KAZN: variants seen among roughly 807,000 people sequenced by gnomAD.
KAZN encodes the protein kazrin, periplakin interacting protein.
A neutral mutation model predicts 87.4 loss-of-function variants in KAZN; 40 were observed. The ratio of observed to expected loss-of-function variants is 0.46; its 90% CI spans 0.36 to 0.60. KAZN has a LOEUF of 0.60. Ranked by LOEUF, KAZN falls within the 20% of genes least tolerant of loss-of-function variation. The pLI is 0.00. For missense variants in KAZN, 898 were observed against 1,073.9 expected (o/e 0.84, Z 2.29); for synonymous variants, 466 against 458.3 (o/e 1.02, Z -0.22).
At chr1:13,959,849 G>C (rs1471623190) in intron 1 of KAZN, among the ~76,000 whole-genome samples, 2 of 152,118 alleles carry the variant, frequency 1.3e-5, no homozygotes, top group Non-Finnish European at 2.9e-5. Context: ...TAGATTTGCT[G>C]CCCAACACCC....
rs189836547 is a variant in KAZN at position 14,190,321 on chromosome 1, T to G, written c.249+9729T>G. ...AGACGCCAAACACTCTGCTAAGGAT[T>G]TTACCTCCATTATCTCATTTAATAC... On this transcript the variant is annotated intron_variant, in intron 2 of 16. Transcript: ENST00000636203. 2.0e-5 allele frequency among the ~76,000 whole-genome samples: 3 copies of G among 152,218 alleles called. No individual in the cohort carries two copies. In the East Asian group the frequency reaches 5.8e-4, roughly 29 times the overall value.
At chr1:14,975,892 C>G (rs1056968379) in intron 2 of KAZN, among the ~76,000 whole-genome samples, 1 of 152,048 alleles carries the variant, frequency 6.6e-6, no homozygotes, top group African/African-American at 2.4e-5. Context: ...ATTAACTGGG[C>G]GTAGTGGCGG....
rs142527024 is a variant in KAZN at position 14,085,627 on chromosome 1, T to G, written c.92-94808T>G. Among the ~76,000 whole-genome samples, 989 of 152,352 alleles carry G rather than the reference T, an allele frequency of 6.5e-3. 10 individuals carry two copies. In the South Asian group the frequency reaches 0.066, roughly 10 times the overall value. On this transcript the variant is annotated intron_variant, in intron 1 of 16. Transcript: ENST00000636203. ...CTCATTCCTTTCCATGGCTGTGTAA[T>G]ATTTCATTTTATGGGTATGCCACGA...
chr1:14,164,046 C>G (rs9287296), intron 1 of KAZN, among the ~76,000 whole-genome samples: 64,513 of 152,042 alleles, frequency 0.42, 14,064 homozygotes, highest in African/African-American at 0.52. Context: ...AAAAGCCACC[C>G]AAATTTTTAG....
chr1:14,225,730 A>G (rs571147863), intron 2 of KAZN, among the ~76,000 whole-genome samples: 62 of 152,258 alleles, frequency 4.1e-4, no homozygotes, highest in Non-Finnish European at 8.4e-4. Context: ...CTAATCCTTG[A>G]TAAAGCCAAT....
chr1:14,035,510 A>C (rs1641514566), intron 1 of KAZN, among the ~76,000 whole-genome samples: 1 of 147,934 alleles, frequency 6.8e-6, no homozygotes, highest in South Asian at 2.1e-4. Flanking sequence ...CCCAGGCTGG[A>C]GTGCAGTTGT....
Position 15,066,598 on chromosome 1 carries a change from A to G in KAZN, c.1222+845A>G, listed in dbSNP as rs1422612546. 159 of 983,540 alleles carry G rather than the reference A, an allele frequency of 1.6e-4. No homozygotes were observed. Among genetic ancestry groups the G allele is most frequent in the Non-Finnish European group, 1.9e-4 (154 of 828,342 alleles). 60.9% of individuals were successfully genotyped at this position (983,540 alleles called of 1,614,324 possible). A position where few individuals can be genotyped will look rare whatever the true frequency, so the allele number is the denominator to read the frequency against. The stretch of plus-strand genomic sequence containing the variant: ...AAAAGAAAATTGTTTCATTTAATTT[A>G]TTTGCACAAATGCTGAAAACTTATT... On this transcript the variant is annotated intron_variant, in intron 8 of 14. Transcript: ENST00000376030. The surrounding 1 kb of genome is among the most constrained non-coding windows in gnomAD (Gnocchi z 4.3).
At chr1:14,570,485 T>C (rs1254443352) in intron 2 of KAZN, among the ~76,000 whole-genome samples, 3 of 152,234 alleles carry the variant, frequency 2.0e-5, no homozygotes. Context: ...TAAGTGGAAT[T>C]GTACAACTGG....
chr1:14,659,598 C>G (rs757816061), intron 1 of KAZN, among the ~76,000 whole-genome samples: 4 of 152,140 alleles, frequency 2.6e-5, no homozygotes, highest in Non-Finnish European at 5.9e-5. Context: ...TCAACTACCA[C>G]CTTGGTTCTG....
At chr1:15,058,983 C>T (rs1235473100) in intron 5 of KAZN, among the ~76,000 whole-genome samples, 4 of 152,012 alleles carry the variant, frequency 2.6e-5, no homozygotes, top group Non-Finnish European at 5.9e-5. Context: ...GAACACACCA[C>T]TGCACTCCAG....
At chr1:14,044,451 A>G (rs1443039801) in intron 1 of KAZN, among the ~76,000 whole-genome samples, 1 of 152,030 alleles carries the variant, frequency 6.6e-6, no homozygotes, top group Non-Finnish European at 1.5e-5. Flanking sequence ...TCTATATTCT[A>G]CTCTGTAAAA....
intron 2 of KAZN, among the ~76,000 whole-genome samples, chr1:14,437,169 T>A (rs1398614197): frequency 6.6e-6 from 1 of 152,166 alleles, no homozygotes; most frequent in Non-Finnish European, 1.5e-5. Context: ...ATGTGTCTCT[T>A]CTAGATAAAA....
intron 1 of KAZN, among the ~76,000 whole-genome samples, chr1:14,063,238 C>A (rs1168724942): frequency 1.3e-5 from 2 of 152,162 alleles, no homozygotes; most frequent in Non-Finnish European, 1.5e-5. Flanking sequence ...CCTAATCCAG[C>A]AGTTGTAATA....
intron 2 of KAZN, among the ~76,000 whole-genome samples, chr1:14,977,250 C>T (rs773927819): frequency 7.2e-5 from 11 of 152,166 alleles, no homozygotes; most frequent in Non-Finnish European, 1.0e-4. Flanking sequence ...CTCCTGTCCC[C>T]GCAGCTGGGT....
At chr1:13,958,341 C>T (rs902504576) in intron 1 of KAZN, among the ~76,000 whole-genome samples, 18 of 152,104 alleles carry the variant, frequency 1.2e-4, no homozygotes, top group South Asian at 4.2e-4. Context: ...GAGGCCGAGG[C>T]GGGCGGATCA....
chr1:15,007,370 G>A (rs564520689), intron 2 of KAZN, among the ~76,000 whole-genome samples: 2 of 152,340 alleles, frequency 1.3e-5, no homozygotes, highest in South Asian at 4.1e-4. Context: ...ATCTGGCGAG[G>A]GTTTTTCATG....
intron 2 of KAZN, among the ~76,000 whole-genome samples, chr1:15,015,531 C>G (rs1012026112): frequency 1.3e-5 from 2 of 152,176 alleles, no homozygotes; most frequent in African/African-American, 4.8e-5. Context: ...CTGGAGCTGT[C>G]TCTCGGGTGA....
At chr1:14,125,142 G>C (rs540412110) in intron 1 of KAZN, among the ~76,000 whole-genome samples, 2 of 152,254 alleles carry the variant, frequency 1.3e-5, no homozygotes, top group South Asian at 4.1e-4. Flanking sequence ...TTTGGGGCTG[G>C]ATAATCCTCT....
intron 1 of KAZN, among the ~76,000 whole-genome samples, chr1:14,764,753 G>A (rs1644842896): frequency 6.6e-6 from 1 of 152,124 alleles, no homozygotes. Flanking sequence ...GACTTGCTCT[G>A]GCACCAGGCT....
Sources: gnomAD v4.1 joint callset for allele counts (sites outside exome capture counted in the v4.1 genomes callset) on GRCh38, gnomAD v4.1.1 for gene constraint, Gnocchi (gnomAD v3.1) non-coding constraint, MANE v1.5 for transcripts, NCBI Gene and HGNC (gene_info 2026-07-23, HGNC 2026-07-21) for gene names.